Variants in DCAF8L2 observed in about 807,000 individuals in gnomAD.
DCAF8L2 encodes the protein DDB1- and CUL4-associated factor 8-like protein 2.
For synonymous variants in DCAF8L2, 200 were observed against 190.9 expected, an observed-to-expected ratio of 1.05 and a Z score of -0.39; for missense variants, 430 against 490.7, an observed-to-expected ratio of 0.88 and a Z score of 1.17.
At chrX:27,549,911 C>G in the DCAF8L2 span, among the ~76,000 whole-genome samples, 1 of 111,799 alleles carries the variant, frequency 8.9e-6, no homozygotes, top group African/African-American at 3.3e-5. Context: ...CATCCATTAA[C>G]TGGGATATAA....
At chrX:27,496,715 T>C in the DCAF8L2 span, among the ~76,000 whole-genome samples, 31 of 112,242 alleles carry the variant, frequency 2.8e-4, no homozygotes, top group Non-Finnish European at 5.1e-4. Context: ...AAGTCTTAGA[T>C]GGAAGTATGT....
At chrX:27,492,776 C>T in the DCAF8L2 span, among the ~76,000 whole-genome samples, 7 of 112,054 alleles carry the variant, frequency 6.2e-5, no homozygotes, top group Non-Finnish European at 1.1e-4. Context: ...CCACCACGCC[C>T]GGTTCCATGT....
chrX:27,546,699 C>T, the DCAF8L2 span, among the ~76,000 whole-genome samples: 3 of 112,521 alleles, frequency 2.7e-5, no homozygotes, highest in East Asian at 8.5e-4. Context: ...GGGGCTGTTA[C>T]CCTCTGAAGC....
the DCAF8L2 span, among the ~76,000 whole-genome samples, chrX:27,585,310 A>C: frequency 9.0e-6 from 1 of 111,708 alleles, no homozygotes; most frequent in African/African-American, 3.3e-5. Context: ...CTCTTGTGAA[A>C]TCAATTTTGT....
chrX:27,636,805 C>T (rs1165008586), intron 2 of DCAF8L2, among the ~76,000 whole-genome samples: 1 of 112,012 alleles, frequency 8.9e-6, no homozygotes, highest in Non-Finnish European at 1.9e-5. Context: ...ACAAATGTAT[C>T]TGCTGCCACT....
chrX:27,566,180 A>G, the DCAF8L2 span, among the ~76,000 whole-genome samples: 7 of 105,503 alleles, frequency 6.6e-5, 1 homozygote. Flanking sequence ...AAAGGAATGT[A>G]TCCACTGGAG....
At chrX:27,714,403 T>C (rs1931627506) in intron 3 of DCAF8L2, among the ~76,000 whole-genome samples, 1 of 111,077 alleles carries the variant, frequency 9.0e-6, no homozygotes, top group Non-Finnish European at 1.9e-5. Context: ...GAGACTGTTC[T>C]AAAAGTGCAC....
the DCAF8L2 span, among the ~76,000 whole-genome samples, chrX:27,532,762 T>G: frequency 9.5e-6 from 1 of 104,723 alleles, no homozygotes; most frequent in Admixed American, 1.1e-4. Context: ...ATTTATTTAT[T>G]TATTTATTTA....
chrX:27,480,332 T>C, the DCAF8L2 span, among the ~76,000 whole-genome samples: 2 of 112,222 alleles, frequency 1.8e-5, no homozygotes, highest in African/African-American at 6.5e-5. Flanking sequence ...GCCAGTTATT[T>C]GCCTGTTTGC....
intron 1 of DCAF8L2, among the ~76,000 whole-genome samples, chrX:27,600,044 A>G (rs1359048118): frequency 8.9e-6 from 1 of 111,934 alleles, no homozygotes; most frequent in Admixed American, 9.5e-5. Flanking sequence ...AAATGACATG[A>G]GAGTGGTTAT....
chrX:27,543,773 A>G, the DCAF8L2 span, among the ~76,000 whole-genome samples: 14 of 111,682 alleles, frequency 1.3e-4, 1 homozygote, highest in Admixed American at 1.3e-3. Context: ...TCTAGTTTCT[A>G]TGGCTAGCCT....
chrX:27,749,123 A>C lies in DCAF8L2; in HGVS notation c.*332A>C, dbSNP rs1480960593. Among the ~76,000 whole-genome samples, 2 of 111,780 alleles carry C rather than the reference A, an allele frequency of 1.8e-5. No individual in the cohort carries two copies. The highest frequency in any genetic ancestry group is 3.8e-5 in the Non-Finnish European group (2 of 53,231). Reference sequence around the variant, plus strand: ...AAATTTTCTGAATTTTGCTGAAAGAATTAATACCCTTATTAGATGCATCTA... The same window carrying C: ...AAATTTTCTGAATTTTGCTGAAAGACTTAATACCCTTATTAGATGCATCTA... On this transcript the variant is annotated 3_prime_UTR_variant, in exon 5 of 5. Transcript: ENST00000451261.
chrX:27,574,032 G>A, the DCAF8L2 span, among the ~76,000 whole-genome samples: 2 of 109,543 alleles, frequency 1.8e-5, no homozygotes, highest in African/African-American at 6.6e-5. Flanking sequence ...GTCTCCCTGT[G>A]TTGTCCAGGC....
chrX:27,501,025 C>T, the DCAF8L2 span, among the ~76,000 whole-genome samples: 14 of 111,418 alleles, frequency 1.3e-4, 1 homozygote, highest in Admixed American at 1.3e-3. Flanking sequence ...TACTGCATCT[C>T]CTTTCCTCTG....
the DCAF8L2 span, among the ~76,000 whole-genome samples, chrX:27,549,240 A>C: frequency 9.0e-6 from 1 of 111,483 alleles, no homozygotes; most frequent in East Asian, 2.8e-4. Context: ...TTTTTTCTGT[A>C]ATCTGAAAAG....
chrX:27,673,499 T>G (rs1260585597), intron 2 of DCAF8L2, among the ~76,000 whole-genome samples: 2 of 75,942 alleles, frequency 2.6e-5, no homozygotes, highest in Non-Finnish European at 4.9e-5. Flanking sequence ...CAGAGTGAGA[T>G]TCCATCTCAA....
chrX:27,672,288 G>A (rs1929976770), intron 2 of DCAF8L2, among the ~76,000 whole-genome samples: 2 of 111,561 alleles, frequency 1.8e-5, no homozygotes, highest in African/African-American at 3.3e-5. Flanking sequence ...CCAAGCACAG[G>A]GCCCGGGCCA....
intron 1 of DCAF8L2, among the ~76,000 whole-genome samples, chrX:27,612,538 G>A (rs889608469): frequency 7.2e-5 from 8 of 111,676 alleles, no homozygotes; most frequent in African/African-American, 2.6e-4. Flanking sequence ...TGTCCTGAAA[G>A]GTATTGCCTA....
the DCAF8L2 span, among the ~76,000 whole-genome samples, chrX:27,549,929 G>A: frequency 9.0e-6 from 1 of 111,731 alleles, no homozygotes; most frequent in African/African-American, 3.3e-5. Flanking sequence ...TAAAGCACTT[G>A]CCCTCTAGAT....
Sources: gnomAD v4.1 joint callset for allele counts (sites outside exome capture counted in the v4.1 genomes callset) on GRCh38, gnomAD v4.1.1 for gene constraint, MANE v1.5 for transcripts, NCBI Gene and HGNC (gene_info 2026-07-23, HGNC 2026-07-21) for gene names.